LIFR: variants seen among roughly 807,000 people sequenced by gnomAD.
The protein encoded by LIFR is leukemia inhibitory factor receptor.
In LIFR, 84 loss-of-function variants were observed where a neutral mutation model predicts 122.2. The observed-to-expected ratio is 0.69, with a 90% CI of 0.58 to 0.82. The LOEUF (loss-of-function observed/expected upper bound fraction) is 0.82. Among genes scored for constraint, LIFR ranks in the 40% least tolerant of loss-of-function variants. The pLI is 0.00. For synonymous variants in LIFR, 422 were observed against 434.7 expected, an observed-to-expected ratio of 0.97 and a Z score of 0.36; for missense variants, 1,294 against 1,311.6, an observed-to-expected ratio of 0.99 and a Z score of 0.21.
At chr5:38,598,227 TTTTTTATTTA>T (rs1750148668), upstream of LIFR, among the ~76,000 whole-genome samples, 1 of 84,806 alleles carries the variant, frequency 1.2e-5, no homozygotes, top group Non-Finnish European at 2.1e-5. Context: ...TTTTTTTTTT[TTTTTTATTTA>T]TTTATTTATT....
chr5:38,546,823 T>C (rs905274630), intron 1 of LIFR, among the ~76,000 whole-genome samples: 1 of 152,236 alleles, frequency 6.6e-6, no homozygotes, highest in Non-Finnish European at 1.5e-5. Flanking sequence ...CAATGCAGCC[T>C]GTGGAATGTA....
At chr5:38,562,156 C>T (rs1748863216) in intron 1 of LIFR, among the ~76,000 whole-genome samples, 1 of 152,318 alleles carries the variant, frequency 6.6e-6, no homozygotes, top group Admixed American at 6.5e-5. Context: ...TGCCCCTCTC[C>T]ATATGGTTGG....
intron 2 of LIFR, among the ~76,000 whole-genome samples, chr5:38,603,588 G>A (rs1213779701): frequency 2.0e-5 from 3 of 152,142 alleles, no homozygotes; most frequent in South Asian, 2.1e-4. Flanking sequence ...GTAGAGATGC[G>A]CCCAGACAAA....
At chr5:38,502,290 T>C (rs748313092) in intron 11 of LIFR, among the ~76,000 whole-genome samples, 3 of 151,992 alleles carry the variant, frequency 2.0e-5, no homozygotes, top group Non-Finnish European at 4.4e-5. Context: ...GGAGTTTCAC[T>C]CTTGTTGCCC....
At position 38,601,882 on chromosome 5, in the gene LIFR, C is replaced by A. The variant is rs12521725; in HGVS notation, n.305+4323G>T. Among the ~76,000 whole-genome samples the A allele has an allele frequency of 4.8e-3, 733 of 152,306 alleles. 14 individuals are homozygous for A. Among genetic ancestry groups the A allele is most frequent in the Admixed American group, 0.041 (633 of 15,300 alleles). On this transcript the variant is annotated intron_variant and non_coding_transcript_variant, in intron 2 of 3. Transcript: ENST00000507786. ...ATATACCCCCAACTGAAGCTATTCT[C>A]TTCTCCCCAAGCTGACTCTGTTCTG... is the stretch of plus-strand genomic sequence containing the variant.
chr5:38,485,976 A>G lies in LIFR; in HGVS notation c.2340T>C (p.Arg780=), dbSNP rs1387977797. 1 of 1,611,850 alleles carries G rather than the reference A, an allele frequency of 6.2e-7. No homozygotes were observed. The highest frequency in any genetic ancestry group is 8.5e-7 in the Non-Finnish European group (1 of 1,178,002). The change falls in exon 17 of 20, where the codon CGT becomes CGC. Residue 780 remains arginine (R), a synonymous_variant. Transcript: ENST00000453190. ...TSKMRVLESG[R]SDIKVKNITD... ...TAATATTCTTAACTTTTATGTCAGA[A>G]CGACCTATTTTTAAAATGAAGTATG... is the stretch of plus-strand genomic sequence containing the variant.
intron 18 of LIFR, among the ~76,000 whole-genome samples, chr5:38,483,083 G>A (rs1744082955): frequency 6.6e-6 from 1 of 152,180 alleles, no homozygotes; most frequent in Admixed American, 6.5e-5. Flanking sequence ...TAAGAAAAAG[G>A]CTATTAATCT....
At chr5:38,560,018 C>T (rs764028596), upstream of LIFR, among the ~76,000 whole-genome samples, 3 of 152,138 alleles carry the variant, frequency 2.0e-5, no homozygotes, top group Non-Finnish European at 4.4e-5. Context: ...CAATTACTCA[C>T]AGAAACAGCA....
In LIFR at chr5:38,565,410, G is replaced by A. The variant is rs16900051; in HGVS notation, c.-20+29851C>T. 4.0e-3 allele frequency among the ~76,000 whole-genome samples: 611 copies of A among 152,176 alleles called. 5 individuals are homozygous for A. Among genetic ancestry groups the A allele is most frequent in the African/African-American group, 0.014 (571 of 41,516 alleles). On this transcript the variant is annotated intron_variant, in intron 1 of 19. Transcript: ENST00000263409. Reference sequence around the variant, plus strand: ...CAAAAAGGGAAGGGAGAAAGGCCACGTAAAAGAATATAAAGTCCCGGATGG... The same window carrying A: ...CAAAAAGGGAAGGGAGAAAGGCCACATAAAAGAATATAAAGTCCCGGATGG...
At chr5:38,539,715 C>G (rs1747485737) in intron 1 of LIFR, among the ~76,000 whole-genome samples, 1 of 151,688 alleles carries the variant, frequency 6.6e-6, no homozygotes, top group Non-Finnish European at 1.5e-5. Flanking sequence ...TCCCTAAAGG[C>G]CTTTCTAAAT....
intron 4 of LIFR, 31 bp from the exon 5 acceptor site, chr5:38,523,613 T>C (rs1220528758): frequency 1.9e-6 from 3 of 1,558,340 alleles, no homozygotes; most frequent in African/African-American, 2.7e-5. Context: ...AGAGAAAACT[T>C]AGTAAAATAA....
intron 1 of LIFR, among the ~76,000 whole-genome samples, chr5:38,593,468 A>G (rs1580244237): frequency 6.6e-6 from 1 of 152,348 alleles, no homozygotes; most frequent in Admixed American, 6.5e-5. Context: ...CAATAGCCAC[A>G]TGCAGCTAGT....
At chr5:38,508,864 G>T (rs1297057898) in intron 7 of LIFR, among the ~76,000 whole-genome samples, 1 of 152,160 alleles carries the variant, frequency 6.6e-6, no homozygotes, top group South Asian at 2.1e-4. Flanking sequence ...GATTACAGGC[G>T]TAAGCCACCA....
intron 11 of LIFR, among the ~76,000 whole-genome samples, chr5:38,500,365 G>T (rs1745114660): frequency 1.3e-5 from 2 of 152,132 alleles, no homozygotes; most frequent in Non-Finnish European, 2.9e-5. Flanking sequence ...TTCAGATTTT[G>T]GATTTTTTCT....
At chr5:38,513,042 T>A (rs999496139) in intron 5 of LIFR, among the ~76,000 whole-genome samples, 2 of 152,186 alleles carry the variant, frequency 1.3e-5, no homozygotes, top group African/African-American at 4.8e-5. Flanking sequence ...AATATTGAGG[T>A]GCTATAAAAG....
chr5:38,506,805 G>A (rs555989858), intron 7 of LIFR, among the ~76,000 whole-genome samples, 173 bp from the exon 8 acceptor site: 1 of 152,280 alleles, frequency 6.6e-6, no homozygotes, highest in South Asian at 2.1e-4. Context: ...TCTTGTCAGA[G>A]TTCATATTAC....
At chr5:38,556,660 G>C (rs1362831319), upstream of LIFR, 2 of 146,738 alleles carry the variant, frequency 1.4e-5, no homozygotes, top group African/African-American at 2.5e-5. Flanking sequence ...GCGCGCGGGG[G>C]CGGCGCCTGC....
intron 14 of LIFR, among the ~76,000 whole-genome samples, chr5:38,491,719 G>C (rs1304137676): frequency 1.3e-5 from 2 of 152,182 alleles, no homozygotes; most frequent in Admixed American, 6.5e-5. Flanking sequence ...GAATCAACTT[G>C]TCTAAAATAT....
intron 1 of LIFR, chr5:38,608,008 C>G (rs1323551200): frequency 6.6e-6 from 1 of 152,136 alleles, no homozygotes; most frequent in African/African-American, 2.4e-5. Flanking sequence ...CAGAAATGAT[C>G]TAGGCACTTA....
Sources: gnomAD v4.1 joint callset for allele counts (sites outside exome capture counted in the v4.1 genomes callset) on GRCh38, gnomAD v4.1.1 for gene constraint, MANE v1.5 for transcripts, NCBI Gene and HGNC (gene_info 2026-07-23, HGNC 2026-07-21) for gene names.